CADPS2: variants seen among roughly 807,000 people sequenced by gnomAD.
CADPS2 encodes the protein calcium dependent secretion activator 2.
In CADPS2, 93 loss-of-function variants were observed where a neutral mutation model predicts 172.5. The observed-to-expected ratio is 0.54, with a 90% CI of 0.46 to 0.64. CADPS2 has a LOEUF of 0.64. Among genes scored for constraint, CADPS2 ranks in the 30% least tolerant of loss-of-function variants. The pLI is 0.00. For missense variants in CADPS2, 1,420 were observed against 1,565.9 expected, an observed-to-expected ratio of 0.91 and a Z score of 1.57; for synonymous variants, 546 against 555.2, an observed-to-expected ratio of 0.98 and a Z score of 0.23.
intron 1 of CADPS2, among the ~76,000 whole-genome samples, chr7:122,776,154 T>C (rs1370123360): frequency 1.3e-5 from 2 of 152,172 alleles, no homozygotes; most frequent in Non-Finnish European, 2.9e-5. Context: ...CCAGGTGTCA[T>C]GAGAGGGACC....
intron 4 of CADPS2, among the ~76,000 whole-genome samples, chr7:122,628,307 T>C (rs915237319): frequency 6.6e-6 from 1 of 152,182 alleles, no homozygotes; most frequent in Non-Finnish European, 1.5e-5. Context: ...AAAATTAGTA[T>C]GGGATATAAC....
intron 8 of CADPS2, among the ~76,000 whole-genome samples, chr7:122,518,686 T>C (rs1200555322): frequency 6.6e-6 from 1 of 152,062 alleles, no homozygotes; most frequent in Non-Finnish European, 1.5e-5. Flanking sequence ...GATTGTGTGA[T>C]TAACTCAAAG....
rs543081680 is a variant in CADPS2, at chr7:122,822,359, C to T, written c.339+63640G>A. On this transcript the variant is annotated intron_variant, in intron 1 of 29. Coordinates refer to ENST00000449022, the MANE Select transcript of CADPS2 (RefSeq NM_017954.11). ...TCTTCTAATATCCCCACAATATCACCCCTTACCACAAGACCTCCCTTCAGC... is the reference window on the plus strand; with the variant it reads ...TCTTCTAATATCCCCACAATATCACTCCTTACCACAAGACCTCCCTTCAGC... Among the ~76,000 whole-genome samples, 16 of 151,992 alleles carry T rather than the reference C, an allele frequency of 1.1e-4. No individual in the cohort carries two copies. In the East Asian group the frequency reaches 2.7e-3, roughly 26 times the overall value.
intron 1 of CADPS2, among the ~76,000 whole-genome samples, chr7:122,800,021 G>GA (rs1589272653): frequency 6.6e-6 from 1 of 152,256 alleles, no homozygotes; most frequent in African/African-American, 2.4e-5. Context: ...ATCCTGGGTA[G>GA]AAAACCACAT....
intron 6 of CADPS2, among the ~76,000 whole-genome samples, chr7:122,588,691 A>T (rs1587628791): frequency 6.6e-6 from 1 of 151,870 alleles, no homozygotes; most frequent in South Asian, 2.1e-4. Flanking sequence ...AGTTTCCTGC[A>T]CTGGACTTTA....
In CADPS2 at chr7:122,548,821, C is replaced by A. The variant is rs553058237; in HGVS notation, c.1475+5729G>T. On this transcript the variant is annotated intron_variant, in intron 8 of 29. Transcript: ENST00000449022. ...AGTTGCTCAGACATGGTTCAAAGCCCTTATGTAATATTTTCATTTTTCTCC... is the reference window on the plus strand; with the variant it reads ...AGTTGCTCAGACATGGTTCAAAGCCATTATGTAATATTTTCATTTTTCTCC... 3.3e-5 allele frequency among the ~76,000 whole-genome samples: 5 copies of A among 152,214 alleles called. No homozygotes were observed. In the South Asian group the frequency reaches 1.0e-3, roughly 32 times the overall value.
At chr7:122,612,009 C>T (rs1040611464) in intron 6 of CADPS2, among the ~76,000 whole-genome samples, 2 of 151,960 alleles carry the variant, frequency 1.3e-5, no homozygotes, top group Admixed American at 6.6e-5. Context: ...AAATCAAACA[C>T]CTTTTCATTA....
At chr7:122,704,992 A>G (rs1336761689) in intron 2 of CADPS2, among the ~76,000 whole-genome samples, 1 of 152,072 alleles carries the variant, frequency 6.6e-6, no homozygotes, top group Non-Finnish European at 1.5e-5. Context: ...CTAATGAAAC[A>G]GCCTGAGGAG....
At chr7:122,737,700 G>T (rs2137834774) in intron 1 of CADPS2, among the ~76,000 whole-genome samples, 1 of 152,172 alleles carries the variant, frequency 6.6e-6, no homozygotes, top group East Asian at 1.9e-4. Context: ...TTTCTTCATA[G>T]AGACAGGGAA....
intron 1 of CADPS2, among the ~76,000 whole-genome samples, chr7:122,867,051 T>C (rs1287800521): frequency 3.3e-5 from 5 of 152,154 alleles, no homozygotes. Flanking sequence ...TACTCTTTCC[T>C]CCTCTGTTTC....
intron 2 of CADPS2, among the ~76,000 whole-genome samples, chr7:122,705,555 TTATATTATATATTATC>T (rs1288411622): frequency 0.054 from 6,295 of 116,124 alleles, 902 homozygotes; most frequent in South Asian, 0.14. Flanking sequence ...TTATATATAT[TTATATTATATATTATC>T]TATATTATAT....
At chr7:122,690,863 G>A (rs1162516566) in intron 2 of CADPS2, among the ~76,000 whole-genome samples, 1 of 152,162 alleles carries the variant, frequency 6.6e-6, no homozygotes, top group Non-Finnish European at 1.5e-5. Context: ...AGTGTCAGTA[G>A]AATGGCCGGA....
At chr7:122,356,809 CAG>C (rs781618487) in intron 27 of CADPS2, among the ~76,000 whole-genome samples, 8 of 152,270 alleles carry the variant, frequency 5.3e-5, no homozygotes, top group Middle Eastern at 3.4e-3. Flanking sequence ...CTTTGAAACA[CAG>C]AGTTTCCAGT....
intron 10 of CADPS2, among the ~76,000 whole-genome samples, chr7:122,490,735 GAACA>G (rs2058206868): frequency 6.6e-6 from 1 of 151,868 alleles, no homozygotes; most frequent in Non-Finnish European, 1.5e-5. Context: ...CATTTTAAGT[GAACA>G]ATTAGTTAAT....
intron 5 of CADPS2, among the ~76,000 whole-genome samples, chr7:122,616,870 CAAAT>C (rs1332359209): frequency 6.6e-5 from 10 of 152,090 alleles, no homozygotes; most frequent in African/African-American, 2.4e-4. Flanking sequence ...TGAGATAAAT[CAAAT>C]ATATAACCAT....
intron 2 of CADPS2, among the ~76,000 whole-genome samples, chr7:122,712,157 T>C (rs888494652): frequency 6.6e-6 from 1 of 152,150 alleles, no homozygotes; most frequent in Non-Finnish European, 1.5e-5. Context: ...AATGTTACTT[T>C]TTCCCCCTCT....
At chr7:122,691,891 C>T (rs989197473) in intron 2 of CADPS2, among the ~76,000 whole-genome samples, 7 of 152,146 alleles carry the variant, frequency 4.6e-5, no homozygotes, top group Non-Finnish European at 7.3e-5. Context: ...AGCCAAGTGG[C>T]GAACGCCAAG....
intron 19 of CADPS2, 42 bp downstream of exon 19, chr7:122,414,026 G>C: frequency 6.6e-7 from 1 of 1,512,084 alleles, no homozygotes; most frequent in Non-Finnish European, 8.9e-7. Flanking sequence ...ACATAAAAGA[G>C]GTATCCTATG....
At chr7:122,478,439 A>G (rs535082561) in intron 12 of CADPS2, among the ~76,000 whole-genome samples, 1 of 152,342 alleles carries the variant, frequency 6.6e-6, no homozygotes, top group African/African-American at 2.4e-5. Context: ...TGGAGTTTCT[A>G]TGGCAACAGT....
Sources: allele counts gnomAD v4.1 joint callset (sites outside exome capture counted in the v4.1 genomes callset), GRCh38; gene constraint gnomAD v4.1.1; transcripts MANE v1.5; gene names NCBI Gene and HGNC (gene_info 2026-07-23, HGNC 2026-07-21).